The following P2RX7 variants were observed in gnomAD, a reference collection of about 807,000 sequenced individuals.
P2RX7 encodes P2X purinoceptor 7.
In P2RX7, 62 loss-of-function variants were observed where a neutral mutation model predicts 71.6. That is an observed-to-expected ratio of 0.87 (90% CI 0.71 to 1.07). P2RX7 has a LOEUF of 1.07. Among genes scored for constraint, P2RX7 ranks in the 50% least tolerant of loss-of-function variants. P2RX7 has a pLI of 0.00. For synonymous variants in P2RX7, 299 were observed against 283.3 expected (o/e 1.06, Z -0.56); for missense variants, 686 against 748.5 (o/e 0.92, Z 0.97).
At chr12:121,155,075 T>C in intron 2 of P2RX7, 122 bp downstream of exon 2, 1 of 1,503,436 alleles carries the variant, frequency 6.7e-7, no homozygotes, top group Non-Finnish European at 8.9e-7. Context: ...TTAAAAGCTC[T>C]GTGAACATCC....
At chr12:121,147,262 C>T (rs1340393797) in intron 1 of P2RX7, among the ~76,000 whole-genome samples, 1 of 152,226 alleles carries the variant, frequency 6.6e-6, no homozygotes, top group Non-Finnish European at 1.5e-5. Flanking sequence ...TCATTCATGA[C>T]ACCGTTTATT....
In P2RX7 at chr12:121,133,660, C is replaced by T. The variant is rs528753704; in HGVS notation, c.125+565C>T. ...ATTCCCAGAGTTGTGCAACCATCCC[C>T]ACAATCAATTTTAGAATATTTTAAT... On this transcript the variant is annotated intron_variant, in intron 1 of 12. Transcript: ENST00000328963. 2.6e-5 allele frequency among the ~76,000 whole-genome samples: 4 copies of T among 152,278 alleles called. No homozygotes were observed. In the South Asian group the frequency reaches 6.2e-4, roughly 24 times the overall value.
rs1884775194 is a variant in P2RX7 at position 121,185,320 on chromosome 12, T to A, written c.*518T>A. 6.5e-6 allele frequency: 1 copy of A among 154,154 alleles called. No homozygotes were observed. The highest frequency in any genetic ancestry group is 1.4e-5 in the Non-Finnish European group (1 of 69,358). The allele number at this position is 154,154 out of a possible 1,614,324, so 9.5% of individuals were successfully genotyped here. ...GAGATTGAGATGTAAGTCTCAACTC[T>A]GTCCCCAGGAAGTTGTGTGACCCTA... On this transcript the variant is annotated 3_prime_UTR_variant, in exon 13 of 13. Coordinates refer to ENST00000328963, the MANE Select transcript of P2RX7 (RefSeq NM_002562.6).
At chr12:121,179,247 C>T (rs1334620165) in intron 11 of P2RX7, among the ~76,000 whole-genome samples, 1 of 152,098 alleles carries the variant, frequency 6.6e-6, no homozygotes, top group Admixed American at 6.6e-5. Context: ...GCCTGTAGTC[C>T]CAGTACTTTG....
chr12:121,171,019 G>A (rs191171921), intron 8 of P2RX7, among the ~76,000 whole-genome samples: 4 of 152,260 alleles, frequency 2.6e-5, no homozygotes, highest in Admixed American at 6.5e-5. Flanking sequence ...TGCACGACCT[G>A]TGTGAAGTGG....
intron 1 of P2RX7, among the ~76,000 whole-genome samples, chr12:121,133,926 T>G (rs376005769): frequency 8.5e-5 from 13 of 152,184 alleles, no homozygotes; most frequent in African/African-American, 3.1e-4. Flanking sequence ...GTCTCACTAT[T>G]TTGTCCAGGC....
At chr12:121,136,652 T>C (rs1333072875) in intron 1 of P2RX7, among the ~76,000 whole-genome samples, 2 of 146,880 alleles carry the variant, frequency 1.4e-5, no homozygotes, top group African/African-American at 5.1e-5. Context: ...TCTTTCTTTT[T>C]TTTTTTTTTT....
At position 121,167,522 on chromosome 12, in the gene P2RX7, G is replaced by A. The variant is rs777888668; in HGVS notation, c.779G>A (p.Cys260Tyr). 1.9e-6 allele frequency: 3 copies of A among 1,613,886 alleles called. No homozygotes were observed. In the South Asian group the frequency reaches 3.3e-5, roughly 18 times the overall value. Residue 260 changes from cysteine (C) to tyrosine (Y), a missense_variant, in exon 8 of 13, where the codon TGC (cysteine) becomes TAC (tyrosine). Cys to Tyr is a radical substitution (Grantham distance 194). Transcript: ENST00000328963. ...ATGGGCATTGAGATCTACTGGGACT[G>A]CAACCTAGACCGTTGGTTCCATCAC... ...GIMGIEIYWD[C>Y]NLDRWFHHCR... is the part of the protein sequence containing the mutation.
intron 1 of P2RX7, among the ~76,000 whole-genome samples, chr12:121,143,100 A>T (rs1215784985): frequency 1.4e-5 from 2 of 146,136 alleles, no homozygotes; most frequent in East Asian, 4.2e-4. Context: ...AAAAAAGATG[A>T]CTGGGCACGG....
chr12:121,184,598 C>G lies in P2RX7; in HGVS notation c.1584C>G (p.Leu528=). The part of the protein sequence containing the change: ...LSRHVLQFLL[L]YQEPLLALDV... ...GACACGTCCTGCAGTTCCTCCTGCTCTACCAGGAGCCCTTGCTGGCGCTGG... is the reference window on the plus strand; with the variant it reads ...GACACGTCCTGCAGTTCCTCCTGCTGTACCAGGAGCCCTTGCTGGCGCTGG... Residue 528 remains leucine (L), a synonymous_variant, in exon 13 of 13, where the codon CTC becomes CTG. Transcript: ENST00000328963. 6.2e-7 allele frequency: 1 copy of G among 1,613,768 alleles called. No homozygotes were observed. The highest frequency in any genetic ancestry group is 1.1e-5 in the South Asian group (1 of 91,010).
intron 6 of P2RX7, among the ~76,000 whole-genome samples, 167 bp from the exon 7 acceptor site, chr12:121,165,891 T>G (rs1226095430): frequency 2.0e-5 from 3 of 152,142 alleles, no homozygotes; most frequent in Non-Finnish European, 4.4e-5. Context: ...GTCACACAGA[T>G]CAACCCTGGT....
chr12:121,141,467 A>G (rs1329350856), intron 1 of P2RX7, among the ~76,000 whole-genome samples: 12 of 152,186 alleles, frequency 7.9e-5, no homozygotes, highest in African/African-American at 2.7e-4. Context: ...GCTGGCCGGT[A>G]CAGTGGCAGA....
intron 11 of P2RX7, among the ~76,000 whole-genome samples, chr12:121,179,876 G>T (rs543736885): frequency 2.7e-5 from 4 of 150,912 alleles, no homozygotes; most frequent in African/African-American, 7.3e-5. Flanking sequence ...TCCGCCTGGC[G>T]TGGTGGCTCA....
chr12:121,163,597 G>GTAGATAGA (rs3078807), intron 5 of P2RX7, among the ~76,000 whole-genome samples: 34 of 130,282 alleles, frequency 2.6e-4, no homozygotes, highest in South Asian at 6.9e-4. Context: ...AGATAGACAG[G>GTAGATAGA]TAGATAGATA....
chr12:121,162,403 A>G, intron 4 of P2RX7, 21 bp from the exon 5 acceptor site: 5 of 1,613,436 alleles, frequency 3.1e-6, no homozygotes, highest in Non-Finnish European at 4.2e-6. Context: ...CTGTGGTTCT[A>G]CGATGCTTTG....
intron 7 of P2RX7, among the ~76,000 whole-genome samples, chr12:121,166,729 G>A (rs1220215765): frequency 6.6e-6 from 1 of 152,008 alleles, no homozygotes; most frequent in African/African-American, 2.4e-5. Flanking sequence ...GATAATCCAG[G>A]ATAATCTCCC....
At chr12:121,152,127 A>G (rs945020150) in intron 1 of P2RX7, among the ~76,000 whole-genome samples, 1 of 151,844 alleles carries the variant, frequency 6.6e-6, no homozygotes, top group Admixed American at 6.6e-5. Context: ...TTACAGGCGC[A>G]CACCACCACA....
chr12:121,166,237 G>T, intron 7 of P2RX7, 50 bp downstream of exon 7: 1 of 1,586,796 alleles, frequency 6.3e-7, no homozygotes, highest in Non-Finnish European at 8.6e-7. Context: ...TCTAGGGATG[G>T]AGGATGTCAA....
chr12:121,182,333 A>C (rs1323076844), intron 12 of P2RX7, among the ~76,000 whole-genome samples: 1 of 152,200 alleles, frequency 6.6e-6, no homozygotes. Context: ...TTGTGTATGA[A>C]GTGAACTACA....
Sources: gnomAD v4.1 joint callset for allele counts (sites outside exome capture counted in the v4.1 genomes callset) on GRCh38, gnomAD v4.1.1 for gene constraint, MANE v1.5 for transcripts, NCBI Gene and HGNC (gene_info 2026-07-23, HGNC 2026-07-21) for gene names.